ST6GALNAC5: variants seen among roughly 807,000 people sequenced by gnomAD.
The protein encoded by ST6GALNAC5 is alpha-N-acetylgalactosaminide alpha-2,6-sialyltransferase 5.
In ST6GALNAC5, 27 loss-of-function variants were observed where a neutral mutation model predicts 33.6. The observed-to-expected ratio is 0.80, with a 90% CI of 0.59 to 1.11. The LOEUF is 1.11. Among genes scored for constraint, ST6GALNAC5 ranks in the 50% least tolerant of loss-of-function variants. The pLI, the probability that ST6GALNAC5 is intolerant of heterozygous loss-of-function variation, is 0.00. For missense variants in ST6GALNAC5, 428 were observed against 454.0 expected (o/e 0.94, Z 0.52); for synonymous variants, 194 against 171.2 (o/e 1.13, Z -1.04).
At chr1:76,948,625 G>GAGAGAGAT (rs1480547641) in intron 2 of ST6GALNAC5, among the ~76,000 whole-genome samples, 1 of 144,764 alleles carries the variant, frequency 6.9e-6, no homozygotes, top group Non-Finnish European at 1.5e-5. Context: ...GAGAGAGAGA[G>GAGAGAGAT]AACTACTGAA....
At chr1:77,036,034 A>G (rs1173272008) in intron 2 of ST6GALNAC5, among the ~76,000 whole-genome samples, 1 of 152,228 alleles carries the variant, frequency 6.6e-6, no homozygotes, top group Non-Finnish European at 1.5e-5. Context: ...GACTGAATAA[A>G]CAAAATGTGG....
intron 2 of ST6GALNAC5, among the ~76,000 whole-genome samples, chr1:76,906,800 AT>A (rs1646868074): frequency 6.6e-6 from 1 of 152,166 alleles, no homozygotes; most frequent in Non-Finnish European, 1.5e-5. Flanking sequence ...TACTAGACAC[AT>A]TCCCTTGAAT....
intron 2 of ST6GALNAC5, among the ~76,000 whole-genome samples, chr1:77,020,946 G>A (rs1165190212): frequency 6.6e-6 from 1 of 152,174 alleles, no homozygotes; most frequent in African/African-American, 2.4e-5. Context: ...GCACAGCATG[G>A]CTGCTGGTTT....
intron 2 of ST6GALNAC5, among the ~76,000 whole-genome samples, chr1:77,021,638 A>G (rs1651058191): frequency 6.6e-6 from 1 of 152,038 alleles, no homozygotes; most frequent in Admixed American, 6.6e-5. Flanking sequence ...GATACATTGC[A>G]CTCTGACTTT....
chr1:76,960,263 C>G (rs1648180261), intron 2 of ST6GALNAC5, among the ~76,000 whole-genome samples: 1 of 151,958 alleles, frequency 6.6e-6, no homozygotes, highest in Non-Finnish European at 1.5e-5. Flanking sequence ...CATCACATGT[C>G]AGCAGGTTCC....
intron 2 of ST6GALNAC5, among the ~76,000 whole-genome samples, chr1:77,012,248 T>C (rs970110020): frequency 2.0e-5 from 3 of 152,212 alleles, no homozygotes; most frequent in Non-Finnish European, 4.4e-5. Flanking sequence ...TTAAGTAAAT[T>C]AGACCATCTG....
At chr1:77,033,971 A>C (rs1333223515) in intron 2 of ST6GALNAC5, among the ~76,000 whole-genome samples, 1 of 152,160 alleles carries the variant, frequency 6.6e-6, no homozygotes, top group Non-Finnish European at 1.5e-5. Flanking sequence ...TGAAAGCTGC[A>C]AGACAAAGGA....
intron 2 of ST6GALNAC5, among the ~76,000 whole-genome samples, chr1:76,924,185 A>G (rs940972460): frequency 1.4e-4 from 21 of 152,144 alleles, no homozygotes; most frequent in African/African-American, 4.1e-4. Context: ...CCCACAAACC[A>G]GATTCTGTTC....
intron 2 of ST6GALNAC5, among the ~76,000 whole-genome samples, chr1:76,913,916 G>C (rs1269445306): frequency 6.6e-6 from 1 of 152,156 alleles, no homozygotes; most frequent in African/African-American, 2.4e-5. Context: ...CCTGTTTGCA[G>C]ACGACATGAT....
At chr1:76,997,926 C>T (rs1337299832) in intron 2 of ST6GALNAC5, among the ~76,000 whole-genome samples, 1 of 152,136 alleles carries the variant, frequency 6.6e-6, no homozygotes, top group African/African-American at 2.4e-5. Flanking sequence ...ATAATTGAAT[C>T]ATGGTGGCAG....
intron 2 of ST6GALNAC5, among the ~76,000 whole-genome samples, chr1:76,994,259 T>G (rs1015368864): frequency 3.9e-5 from 6 of 152,188 alleles, no homozygotes; most frequent in African/African-American, 1.4e-4. Flanking sequence ...CAAAATGGCT[T>G]GATAGTTCAT....
In ST6GALNAC5 at chr1:76,908,742, C is replaced by T. The variant is rs187451871; in HGVS notation, c.261+40000C>T. ...CTGAGGTATGTAAGCTCTGTAACCG[C>T]AGGGTTCCTGTCTTTCTTGTTCATC... On this transcript the variant is annotated intron_variant, in intron 2 of 4. Transcript: ENST00000477717. 7.2e-5 allele frequency among the ~76,000 whole-genome samples: 11 copies of T among 152,238 alleles called. No individual in the cohort carries two copies. The East Asian group carries it at 2.1e-3, about 29-fold the overall frequency.
At chr1:76,925,071 G>A (rs140741083) in intron 2 of ST6GALNAC5, among the ~76,000 whole-genome samples, 114 of 152,186 alleles carry the variant, frequency 7.5e-4, no homozygotes, top group African/African-American at 2.7e-3. Context: ...GGGAGCCAGG[G>A]CATCACACGG....
At chr1:77,053,951 A>C (rs572999979) in intron 4 of ST6GALNAC5, among the ~76,000 whole-genome samples, 92 of 152,342 alleles carry the variant, frequency 6.0e-4, no homozygotes, top group Non-Finnish European at 7.5e-4. Flanking sequence ...ACGTGGAGCC[A>C]GATTTCAGCA....
intron 2 of ST6GALNAC5, among the ~76,000 whole-genome samples, chr1:76,997,182 C>A (rs904998677): frequency 6.6e-6 from 1 of 152,040 alleles, no homozygotes. Flanking sequence ...GAAAAATAAA[C>A]CTGTTGAGTA....
In ST6GALNAC5 at chr1:77,067,387, G is replaced by A. The variant is rs1324382338; in HGVS notation, c.*4181G>A. Among the ~76,000 whole-genome samples, 1 of 152,122 alleles carries A rather than the reference G, an allele frequency of 6.6e-6. No individual in the cohort carries two copies. The highest frequency in any genetic ancestry group is 2.4e-5 in the African/African-American group (1 of 41,414). On this transcript the variant is annotated 3_prime_UTR_variant, in exon 5 of 5. Transcript: ENST00000477717. ...AATATTATATACTACCTTGAATTGT[G>A]CTTCGTCTTTTTATGCATGTGTCCT...
chr1:76,968,554 T>C (rs920515019), intron 2 of ST6GALNAC5, among the ~76,000 whole-genome samples: 5 of 152,224 alleles, frequency 3.3e-5, no homozygotes, highest in African/African-American at 1.2e-4. Flanking sequence ...TCTGTGCCTT[T>C]TAATTGGGGC....
intron 2 of ST6GALNAC5, among the ~76,000 whole-genome samples, chr1:76,969,527 G>A (rs888908188): frequency 1.3e-5 from 2 of 152,194 alleles, no homozygotes; most frequent in South Asian, 2.1e-4. Flanking sequence ...CAGCCTGGAA[G>A]CTCAAACTGG....
intron 2 of ST6GALNAC5, among the ~76,000 whole-genome samples, chr1:76,949,931 A>G (rs867839887): frequency 1.3e-5 from 2 of 152,146 alleles, no homozygotes; most frequent in Non-Finnish European, 2.9e-5. Flanking sequence ...TACTTAGCCC[A>G]TTGCTGAGGA....
Sources: gnomAD v4.1 joint callset for allele counts (sites outside exome capture counted in the v4.1 genomes callset) on GRCh38, gnomAD v4.1.1 for gene constraint, MANE v1.5 for transcripts, NCBI Gene and HGNC (gene_info 2026-07-23, HGNC 2026-07-21) for gene names.